The following RUVBL1 variants were observed in gnomAD, a reference collection of about 807,000 sequenced individuals.
The protein encoded by RUVBL1 is ruvB-like 1.
RUVBL1 carries 4 observed loss-of-function variants against 52.4 expected under a neutral mutation model. That is an observed-to-expected ratio of 0.08 (90% CI 0.04 to 0.17). The LOEUF (loss-of-function observed/expected upper bound fraction) is 0.17, where lower values mean the gene tolerates loss of function less well. Ranked by LOEUF, RUVBL1 falls within the 10% of genes least tolerant of loss-of-function variation. The pLI is 1.00. For missense variants in RUVBL1, 298 were observed against 572.8 expected (o/e 0.52, Z 4.90); for synonymous variants, 217 against 214.4 (o/e 1.01, Z -0.10).
At chr3:128,150,793 ATATATTATATAT>A in intron 1 of RUVBL1, among the ~76,000 whole-genome samples, 1 of 80,632 alleles carries the variant, frequency 1.2e-5, no homozygotes, top group Non-Finnish European at 2.3e-5. Context: ...TATATATTCT[ATATATTATATAT>A]TCTATATATT....
At chr3:128,066,398 G>A (rs1240623076) in intron 9 of RUVBL1, among the ~76,000 whole-genome samples, 4 of 152,014 alleles carry the variant, frequency 2.6e-5, no homozygotes, top group Non-Finnish European at 4.4e-5. Context: ...AAGTGGGGGT[G>A]GGGATCATTC....
intron 9 of RUVBL1, among the ~76,000 whole-genome samples, chr3:128,065,732 ATTTTTTTTTT>A (rs758640768): frequency 1.0e-5 from 1 of 97,528 alleles, no homozygotes; most frequent in African/African-American, 4.1e-5. Context: ...ATCATTAAGA[ATTTTTTTTTT>A]TTTTTTTTTT....
chr3:128,089,972 A>G (rs9855015), intron 8 of RUVBL1, among the ~76,000 whole-genome samples: 128,258 of 148,128 alleles, frequency 0.87, 55,746 homozygotes, highest in African/African-American at 0.92. Flanking sequence ...ACCAGGATCT[A>G]AGGGGAGGAA....
At chr3:128,111,293 A>T (rs988155183) in intron 3 of RUVBL1, among the ~76,000 whole-genome samples, 12 of 151,976 alleles carry the variant, frequency 7.9e-5, no homozygotes, top group African/African-American at 2.9e-4. Flanking sequence ...CACTCAGAAG[A>T]ACTTTCCTGA....
Position 128,081,077 on chromosome 3 carries a change from C to CA in RUVBL1, c.*172dup, listed in dbSNP as rs1478894365. ...TAAGGAAGGGTTCTTTCAAAGCAAC[C>CA]ACAGGAACAGTTACGATAACTTAAA... On this transcript the variant is annotated 3_prime_UTR_variant, in exon 11 of 11. Coordinates refer to ENST00000322623, the MANE Select transcript of RUVBL1 (RefSeq NM_003707.3). This position sits in a 1 kb window ranked among gnomAD's most constrained non-coding sequence, Gnocchi z 4.8. The CA allele has an allele frequency of 6.5e-5, 38 of 582,676 alleles. No individual in the cohort carries two copies. Among genetic ancestry groups the CA allele is most frequent in the Non-Finnish European group, 9.3e-5 (32 of 344,796 alleles). 36.1% of individuals were successfully genotyped at this position (582,676 alleles called of 1,614,324 possible).
rs1251806816 is a variant in RUVBL1, at chr3:128,153,385, C to T, written c.-222G>A. The T allele has an allele frequency of 3.7e-5, 52 of 1,390,540 alleles. 1 individual carries two copies. The South Asian group carries it at 8.3e-4, about 22-fold the overall frequency. 86.1% of individuals were successfully genotyped at this position (1,390,540 alleles called of 1,614,324 possible). ...TGAGCCTCAGGAGGGCGGAAGCTTC[C>T]GGGCCGGAACGGGTGTGCACAGCGC... is the stretch of plus-strand genomic sequence containing the variant. On this transcript the variant is annotated 5_prime_UTR_variant, in exon 1 of 10. Coordinates refer to the RUVBL1 transcript ENST00000464873.
chr3:128,136,918 T>C (rs925790915), intron 1 of RUVBL1, among the ~76,000 whole-genome samples: 5 of 152,130 alleles, frequency 3.3e-5, no homozygotes, highest in African/African-American at 1.2e-4. Flanking sequence ...AAGCAAATAG[T>C]ATTAGACCTA....
At chr3:128,138,984 T>C (rs1943982980) in intron 1 of RUVBL1, among the ~76,000 whole-genome samples, 1 of 152,036 alleles carries the variant, frequency 6.6e-6, no homozygotes, top group African/African-American at 2.4e-5. Flanking sequence ...AAATGGTGGA[T>C]AGCCATACGA....
exon 1 of RUVBL1, chr3:128,153,637 G>A: frequency 6.3e-7 from 1 of 1,598,266 alleles, no homozygotes; most frequent in Non-Finnish European, 8.5e-7. Flanking sequence ...GCAGAGCCGC[G>A]AGCGCGGCAT....
chr3:128,068,412 C>A (rs1942049433), intron 9 of RUVBL1, among the ~76,000 whole-genome samples: 1 of 152,172 alleles, frequency 6.6e-6, no homozygotes, highest in South Asian at 2.1e-4. Context: ...AGAGAGCGCC[C>A]TGGAGGAGGG....
chr3:128,069,868 G>GT (rs1349917661), intron 9 of RUVBL1: 1 of 567,980 alleles, frequency 1.8e-6, no homozygotes, highest in Non-Finnish European at 3.1e-6. Flanking sequence ...AACTGTGAAA[G>GT]TGAAATTTTA....
At chr3:128,130,338 G>A (rs1229197051) in intron 1 of RUVBL1, among the ~76,000 whole-genome samples, 1 of 151,992 alleles carries the variant, frequency 6.6e-6, no homozygotes, top group East Asian at 1.9e-4. Context: ...TACCAAAACT[G>A]ACTCAAGAAA....
chr3:128,081,568 T>C lies in RUVBL1; in HGVS notation c.1212-159A>G. Reference sequence around the variant, plus strand: ...AGAAAAGGGGAGACAAAGTTGTCACTTCTCAGAGAGCTGCAGTCATTATCC... The same window carrying C: ...AGAAAAGGGGAGACAAAGTTGTCACCTCTCAGAGAGCTGCAGTCATTATCC... On this transcript the variant is annotated intron_variant, in intron 10 of 10. Coordinates refer to ENST00000322623, the MANE Select transcript of RUVBL1 (RefSeq NM_003707.3). This position sits in a 1 kb window ranked among gnomAD's most constrained non-coding sequence, Gnocchi z 4.8. 2 of 715,182 alleles carry C rather than the reference T, an allele frequency of 2.8e-6. No individual in the cohort carries two copies. The highest frequency in any genetic ancestry group is 4.5e-6 in the Non-Finnish European group (2 of 441,824). The allele number at this position is 715,182 out of a possible 1,614,324, so 44.3% of individuals were successfully genotyped here. A position where few individuals can be genotyped will look rare whatever the true frequency, so the allele number is the denominator to read the frequency against.
chr3:128,153,693 G>C, exon 1 of RUVBL1: 2 of 1,589,978 alleles, frequency 1.3e-6, no homozygotes, highest in Non-Finnish European at 1.7e-6. Context: ...CGCTGCCCGC[G>C]CGCCTGCGGT....
At chr3:128,153,898 C>A in exon 1 of RUVBL1, 1 of 1,424,728 alleles carries the variant, frequency 7.0e-7, no homozygotes, top group South Asian at 1.5e-5. Flanking sequence ...CGAATTCGCT[C>A]GAGCCTTTGC....
At chr3:128,088,428 T>C (rs1440333666) in intron 8 of RUVBL1, among the ~76,000 whole-genome samples, 1 of 148,544 alleles carries the variant, frequency 6.7e-6, no homozygotes, top group African/African-American at 2.4e-5. Context: ...ATATACAGTA[T>C]ATACTATATT....
At chr3:128,066,771 C>CA in intron 9 of RUVBL1, 1 of 598,642 alleles carries the variant, frequency 1.7e-6, no homozygotes, top group Non-Finnish European at 3.0e-6. Context: ...CTGGATGTGC[C>CA]AAGTGCAGGA....
chr3:128,093,387 GA>G (rs917257191), intron 8 of RUVBL1, among the ~76,000 whole-genome samples: 4 of 151,868 alleles, frequency 2.6e-5, no homozygotes, highest in South Asian at 2.1e-4. Flanking sequence ...TTGGGGTGAT[GA>G]AAATGTTCTA....
At chr3:128,146,806 T>C (rs1248831994) in intron 1 of RUVBL1, among the ~76,000 whole-genome samples, 1 of 152,180 alleles carries the variant, frequency 6.6e-6, no homozygotes, top group East Asian at 1.9e-4. Context: ...TGTGTCTGTG[T>C]GTGTGTGCAT....
Sources: allele counts gnomAD v4.1 joint callset (sites outside exome capture counted in the v4.1 genomes callset), GRCh38; gene constraint gnomAD v4.1.1; non-coding constraint Gnocchi (gnomAD v3.1); transcripts MANE v1.5; gene names NCBI Gene and HGNC (gene_info 2026-07-23, HGNC 2026-07-21).